TBCCD1: variants seen among roughly 807,000 people sequenced by gnomAD.
TBCCD1 encodes TBCC domain containing 1, also known as TBCC domain-containing protein 1.
Under a neutral mutation model 53.4 loss-of-function variants are expected in TBCCD1, and 26 were observed. The ratio of observed to expected loss-of-function variants is 0.49; its 90% CI spans 0.36 to 0.68. The LOEUF is 0.68. TBCCD1 is among the 30% of genes least tolerant of loss of function. The probability of loss-of-function intolerance (pLI) is 0.00; values close to 1 mark genes in which losing one functional copy is unlikely to be tolerated. For synonymous variants in TBCCD1, 245 were observed against 241.7 expected (o/e 1.01, Z -0.13); for missense variants, 558 against 669.5 (o/e 0.83, Z 1.84).
intron 7 of TBCCD1, 80 bp downstream of exon 7, chr3:186,551,049 G>A: frequency 1.3e-6 from 2 of 1,482,184 alleles, no homozygotes; most frequent in Non-Finnish European, 1.8e-6. Flanking sequence ...GGCATGTTTA[G>A]TATATAATAT....
chr3:186,553,187 A>G (rs1309982006), intron 6 of TBCCD1, among the ~76,000 whole-genome samples: 1 of 152,188 alleles, frequency 6.6e-6, no homozygotes, highest in Non-Finnish European at 1.5e-5. Context: ...GTCAGCATTT[A>G]TTAAGTGCTT....
At chr3:186,567,200 C>T (rs1406293248) in intron 1 of TBCCD1, 67 bp downstream of exon 1, 1 of 152,288 alleles carries the variant, frequency 6.6e-6, no homozygotes, top group East Asian at 1.9e-4. Flanking sequence ...AAGGCAGCCT[C>T]CTCGACCCAA....
Position 186,556,593 on chromosome 3 carries a change from C to G in TBCCD1, c.675G>C (p.Lys225Asn). The G allele has an allele frequency of 6.2e-7, 1 of 1,614,162 alleles. No homozygotes were observed. Among genetic ancestry groups the G allele is most frequent in the South Asian group, 1.1e-5 (1 of 91,084 alleles). ...LIEGTISRAR[K>N]IYPLHELALW... ...GTGCAAGTTCATGAAGTGGATAGAT[C>G]TTCCTGGCTCTACTTATTGTACCTT... The change falls in exon 4 of 8, where the codon AAG (lysine) becomes AAC (asparagine). Residue 225 changes from lysine (K) to asparagine (N), a missense_variant. Transcript: ENST00000338733.
intron 1 of TBCCD1, 114 bp from the exon 2 acceptor site, chr3:186,564,486 T>TA (rs1479558253): frequency 1.5e-6 from 1 of 648,128 alleles, no homozygotes; most frequent in African/African-American, 1.8e-5. Context: ...ATCATCATCT[T>TA]AAAAGGCAGC....
chr3:186,550,642 T>C (rs1299303617), intron 7 of TBCCD1, among the ~76,000 whole-genome samples: 1 of 152,180 alleles, frequency 6.6e-6, no homozygotes, highest in Non-Finnish European at 1.5e-5. Flanking sequence ...AGTAAATTTG[T>C]TTGTATGCAT....
intron 5 of TBCCD1, 70 bp from the exon 6 acceptor site, chr3:186,554,821 T>C: frequency 6.3e-7 from 1 of 1,594,104 alleles, no homozygotes; most frequent in Non-Finnish European, 8.5e-7. Flanking sequence ...AATATTATTA[T>C]CTGATGGCAA....
In TBCCD1 at chr3:186,562,014, G is replaced by A. The variant is rs116511540; in HGVS notation, c.336+1980C>T. Among the ~76,000 whole-genome samples, 1,304 of 152,246 alleles carry A rather than the reference G, an allele frequency of 8.6e-3. 9 individuals carry two copies. Among genetic ancestry groups the A allele is most frequent in the Non-Finnish European group, 0.014 (939 of 68,012 alleles). On this transcript the variant is annotated intron_variant, in intron 2 of 7. Coordinates refer to ENST00000338733, the MANE Select transcript of TBCCD1 (RefSeq NM_018138.5). Reference sequence around the variant, plus strand: ...TGACTAGATAAAGAAAACTTGGCATGCATATATAATGGAGTACCATTTGGC... The same window carrying A: ...TGACTAGATAAAGAAAACTTGGCATACATATATAATGGAGTACCATTTGGC...
intron 3 of TBCCD1, 145 bp downstream of exon 3, chr3:186,558,272 A>T: frequency 9.5e-7 from 1 of 1,054,164 alleles, no homozygotes; most frequent in Non-Finnish European, 1.4e-6. Context: ...ATTTTGTTTT[A>T]TAATTTAAAA....
At chr3:186,548,941 A>C (rs1714288667) in intron 7 of TBCCD1, among the ~76,000 whole-genome samples, 1 of 152,244 alleles carries the variant, frequency 6.6e-6, no homozygotes, top group South Asian at 2.1e-4. Context: ...ATATATTTCA[A>C]AACATCATGC....
At chr3:186,555,993 C>T (rs1245514678) in intron 4 of TBCCD1, among the ~76,000 whole-genome samples, 1 of 152,180 alleles carries the variant, frequency 6.6e-6, no homozygotes, top group African/African-American at 2.4e-5. Context: ...ACTGCCTTCT[C>T]AGACTGTACC....
intron 5 of TBCCD1, 61 bp downstream of exon 5, chr3:186,554,836 AG>A: frequency 6.3e-7 from 1 of 1,595,964 alleles, no homozygotes; most frequent in East Asian, 2.2e-5. Context: ...TGGCAAAAAA[AG>A]AATCAGTCAC....
intron 6 of TBCCD1, chr3:186,553,431 T>C (rs1381320492): frequency 6.6e-6 from 1 of 152,156 alleles, no homozygotes; most frequent in East Asian, 1.9e-4. Flanking sequence ...GGTATGACAA[T>C]ATTTGAAAGA....
chr3:186,570,459 C>T (rs1165683403), upstream of TBCCD1: 11 of 482,360 alleles, frequency 2.3e-5, no homozygotes, highest in South Asian at 7.8e-5. Context: ...CTCACTCTGA[C>T]CGGCCCCCTA....
intron 1 of TBCCD1, 100 bp from the exon 2 acceptor site, chr3:186,564,472 C>CT (rs1405046082): frequency 2.8e-6 from 2 of 711,332 alleles, no homozygotes; most frequent in Non-Finnish European, 4.4e-6. Flanking sequence ...GTCATATGTA[C>CT]TACATCATCA....
upstream of TBCCD1, among the ~76,000 whole-genome samples, chr3:186,568,980 A>G (rs1369334293): frequency 1.3e-5 from 2 of 151,978 alleles, no homozygotes; most frequent in East Asian, 3.9e-4. Context: ...ATTTTGATTA[A>G]TTGGTCAGGG....
intron 7 of TBCCD1, among the ~76,000 whole-genome samples, chr3:186,550,322 T>C (rs1374486211): frequency 6.6e-6 from 1 of 151,946 alleles, no homozygotes; most frequent in Non-Finnish European, 1.5e-5. Flanking sequence ...CAGTGGTTTA[T>C]GCCTGTACTC....
rs144614900 is a variant in TBCCD1, at chr3:186,556,540, C to T, written c.728G>A (p.Gly243Asp). 23 of 1,613,500 alleles carry T rather than the reference C, an allele frequency of 1.4e-5. 1 individual carries two copies. In the Admixed American group the frequency reaches 3.7e-4, roughly 26 times the overall value. Reference sequence around the variant, plus strand: ...GAAAGTCTTAGAGATCTTTGAGAAGCCACTATCTGCATGCAGTGGTTGCCA... The same window carrying T: ...GAAAGTCTTAGAGATCTTTGAGAAGTCACTATCTGCATGCAGTGGTTGCCA... ...ALWQPLHADS[G>D]FSKISKTFSF... is the part of the protein sequence containing the mutation. Residue 243 changes from glycine to aspartate, a missense_variant, in exon 4 of 8, where the codon GGC (glycine) becomes GAC (aspartate). Transcript: ENST00000338733.
chr3:186,568,080 T>G (rs1194518331), upstream of TBCCD1, among the ~76,000 whole-genome samples: 1 of 152,226 alleles, frequency 6.6e-6, no homozygotes, highest in Non-Finnish European at 1.5e-5. Context: ...TTAGTTCCTC[T>G]TTTGTGTGGC....
upstream of TBCCD1, chr3:186,570,284 C>A (rs1413569808): frequency 5.4e-6 from 3 of 559,114 alleles, no homozygotes; most frequent in Non-Finnish European, 9.7e-6. Flanking sequence ...CGCTGTACCT[C>A]TGCTCCCTCA....
Sources: gnomAD v4.1 joint callset for allele counts (sites outside exome capture counted in the v4.1 genomes callset) on GRCh38, gnomAD v4.1.1 for gene constraint, MANE v1.5 for transcripts, NCBI Gene and HGNC (gene_info 2026-07-23, HGNC 2026-07-21) for gene names.